Variants in RFC3 observed in about 807,000 individuals in gnomAD.
RFC3 encodes the protein replication factor C subunit 3, also known as A1 38 kDa subunit.
A neutral mutation model predicts 45.1 loss-of-function variants in RFC3; 41 were observed. The observed-to-expected ratio is 0.91, with a 90% CI of 0.71 to 1.18. The LOEUF (loss-of-function observed/expected upper bound fraction) is 1.18. RFC3 is among the 50% of genes most tolerant of loss of function. RFC3 has a pLI of 0.00. For missense variants in RFC3, 423 were observed against 428.1 expected (o/e 0.99, Z 0.10); for synonymous variants, 149 against 144.0 (o/e 1.03, Z -0.25).
chr13:33,874,350 C>G (rs139654420), intron 8 of RFC3, among the ~76,000 whole-genome samples: 1 of 152,292 alleles, frequency 6.6e-6, no homozygotes, highest in African/African-American at 2.4e-5. Context: ...CAGAGTCTCA[C>G]TCTGTTATCC....
intron 8 of RFC3, among the ~76,000 whole-genome samples, chr13:33,871,358 G>C (rs1053263790): frequency 6.6e-6 from 1 of 152,158 alleles, no homozygotes; most frequent in Non-Finnish European, 1.5e-5. Flanking sequence ...AAGAATCCGT[G>C]TCTGTGCCTT....
At chr13:33,876,742 T>A (rs904037867) in intron 8 of RFC3, among the ~76,000 whole-genome samples, 9 of 152,216 alleles carry the variant, frequency 5.9e-5, no homozygotes, top group Non-Finnish European at 1.3e-4. Context: ...GGTTGGAATC[T>A]ACTCTTGGGT....
the RFC3 span, among the ~76,000 whole-genome samples, chr13:33,974,375 T>A: frequency 6.6e-6 from 1 of 152,146 alleles, no homozygotes; most frequent in Non-Finnish European, 1.5e-5. Flanking sequence ...CTCTCACAAG[T>A]AGCCCATTAG....
intron 8 of RFC3, among the ~76,000 whole-genome samples, chr13:33,890,881 T>C (rs1363797306): frequency 6.6e-6 from 1 of 152,170 alleles, no homozygotes; most frequent in African/African-American, 2.4e-5. Context: ...ATACCATGCT[T>C]TCTTCTAGAT....
intron 8 of RFC3, among the ~76,000 whole-genome samples, chr13:33,852,381 A>G (rs1046299705): frequency 2.6e-5 from 4 of 152,172 alleles, no homozygotes; most frequent in Admixed American, 2.0e-4. Context: ...AAGGAGGCCT[A>G]AAGTCTAGCA....
At chr13:33,901,435 C>T (rs1475932837) in intron 8 of RFC3, among the ~76,000 whole-genome samples, 1 of 151,930 alleles carries the variant, frequency 6.6e-6, no homozygotes, top group Non-Finnish European at 1.5e-5. Context: ...ATAAGCCAAG[C>T]ACAGAAAGAC....
At chr13:33,875,603 G>A (rs908960873) in intron 8 of RFC3, among the ~76,000 whole-genome samples, 1 of 152,160 alleles carries the variant, frequency 6.6e-6, no homozygotes, top group Non-Finnish European at 1.5e-5. Flanking sequence ...GTGGTAAGGC[G>A]AGTCCTCTTT....
intron 8 of RFC3, among the ~76,000 whole-genome samples, chr13:33,959,330 T>G (rs1400596154): frequency 2.0e-5 from 3 of 152,184 alleles, no homozygotes; most frequent in Non-Finnish European, 4.4e-5. Flanking sequence ...CCAAGACTCT[T>G]TGCAAATGGT....
At chr13:33,845,776 ATACCT>A (rs1202026533) in intron 8 of RFC3, among the ~76,000 whole-genome samples, 3 of 152,184 alleles carry the variant, frequency 2.0e-5, no homozygotes, top group Non-Finnish European at 4.4e-5. Context: ...CTGGTCACTG[ATACCT>A]TATGTAGTTT....
chr13:33,958,914 G>A (rs1425141282), intron 8 of RFC3, among the ~76,000 whole-genome samples: 1 of 152,154 alleles, frequency 6.6e-6, no homozygotes, highest in African/African-American at 2.4e-5. Flanking sequence ...CATTCATTAT[G>A]ACTAGTTGGT....
chr13:33,879,449 C>G (rs2082468096), intron 8 of RFC3, among the ~76,000 whole-genome samples: 1 of 152,164 alleles, frequency 6.6e-6, no homozygotes, highest in South Asian at 2.1e-4. Context: ...CTCTCTGCCT[C>G]TGCAAACCTT....
At chr13:33,869,106 C>G (rs2082391561) in intron 8 of RFC3, among the ~76,000 whole-genome samples, 1 of 152,176 alleles carries the variant, frequency 6.6e-6, no homozygotes. Context: ...GTGGTGGTCA[C>G]CAGAGGTGGC....
intron 8 of RFC3, among the ~76,000 whole-genome samples, chr13:33,912,347 T>C (rs548570767): frequency 6.6e-6 from 1 of 152,182 alleles, no homozygotes; most frequent in African/African-American, 2.4e-5. Context: ...AGTAAATAAG[T>C]GACTGCAAAA....
downstream of RFC3, among the ~76,000 whole-genome samples, chr13:33,838,153 A>G (rs991520523): frequency 1.3e-5 from 2 of 152,152 alleles, no homozygotes; most frequent in Non-Finnish European, 2.9e-5. Flanking sequence ...AGGTACTTGA[A>G]TAATATCTTG....
intron 8 of RFC3, among the ~76,000 whole-genome samples, chr13:33,926,259 C>G (rs59781673): frequency 0.065 from 9,747 of 149,972 alleles, 479 homozygotes; most frequent in African/African-American, 0.14. Context: ...CCTAATGCTA[C>G]ATGACGAGTT....
intron 8 of RFC3, among the ~76,000 whole-genome samples, chr13:33,916,451 A>G (rs2082734127): frequency 6.6e-6 from 1 of 152,170 alleles, no homozygotes; most frequent in South Asian, 2.1e-4. Context: ...AGATGTCTCA[A>G]AGAGGACTGG....
At chr13:33,841,582 C>G (rs1332834043), downstream of RFC3, among the ~76,000 whole-genome samples, 1 of 152,044 alleles carries the variant, frequency 6.6e-6, no homozygotes, top group Admixed American at 6.5e-5. Context: ...AATGAGTTGA[C>G]TTTATGTTAT....
chr13:33,885,109 G>T (rs2082511739), intron 8 of RFC3, among the ~76,000 whole-genome samples: 1 of 152,160 alleles, frequency 6.6e-6, no homozygotes, highest in Non-Finnish European at 1.5e-5. Context: ...CCACAAAGTT[G>T]ATTAGTCGGC....
At chr13:33,820,489 T>G (rs534060250) in intron 1 of RFC3, among the ~76,000 whole-genome samples, 3 of 152,324 alleles carry the variant, frequency 2.0e-5, no homozygotes, top group African/African-American at 7.2e-5. Flanking sequence ...ATGTTGGCTT[T>G]AAGAGTTTCC....
Sources: allele counts gnomAD v4.1 joint callset (sites outside exome capture counted in the v4.1 genomes callset), GRCh38; gene constraint gnomAD v4.1.1; transcripts MANE v1.5; gene names NCBI Gene and HGNC (gene_info 2026-07-23, HGNC 2026-07-21).